WDPCP: variants seen among roughly 807,000 people sequenced by gnomAD.
The protein encoded by WDPCP is WD repeat-containing and planar cell polarity effector protein fritz homolog.
Under a neutral mutation model 93.1 loss-of-function variants are expected in WDPCP, and 71 were observed. That is an observed-to-expected ratio of 0.76 (90% confidence interval 0.63 to 0.93). The LOEUF is 0.93. Among genes scored for constraint, WDPCP ranks in the 40% least tolerant of loss-of-function variants. WDPCP has a pLI of 0.00. For synonymous variants in WDPCP, 315 were observed against 315.0 expected (o/e 1.00, Z 0.00); for missense variants, 844 against 887.4 (o/e 0.95, Z 0.62).
chr2:63,126,948 A>G (rs1381367654), intron 17 of WDPCP, among the ~76,000 whole-genome samples: 2 of 151,692 alleles, frequency 1.3e-5, no homozygotes, highest in African/African-American at 4.8e-5. Flanking sequence ...CTCCCAAATC[A>G]CTAGGATTAC....
intron 1 of WDPCP, among the ~76,000 whole-genome samples, chr2:63,825,916 T>C (rs889130714): frequency 3.3e-5 from 5 of 152,148 alleles, no homozygotes; most frequent in African/African-American, 1.2e-4. Context: ...ATGATTTCCT[T>C]ATCTACATCT....
At chr2:63,329,818 G>T (rs1026137244) in intron 12 of WDPCP, among the ~76,000 whole-genome samples, 6 of 151,770 alleles carry the variant, frequency 4.0e-5, no homozygotes, top group East Asian at 1.9e-4. Context: ...ACTTTTTTTT[G>T]ATTACACATG....
chr2:63,329,250 G>T (rs1019191753), intron 12 of WDPCP, among the ~76,000 whole-genome samples: 2 of 152,108 alleles, frequency 1.3e-5, no homozygotes, highest in African/African-American at 4.8e-5. Flanking sequence ...CTATGAGTCT[G>T]ACTTTAGATT....
At chr2:63,733,372 T>G (rs1669591042) in intron 2 of WDPCP, among the ~76,000 whole-genome samples, 1 of 149,698 alleles carries the variant, frequency 6.7e-6, no homozygotes, top group Non-Finnish European at 1.5e-5. Flanking sequence ...GCTAATTTTT[T>G]GTATTTTTTT....
chr2:63,434,735 G>A (rs1237756335), intron 8 of WDPCP, among the ~76,000 whole-genome samples: 1 of 152,056 alleles, frequency 6.6e-6, no homozygotes, highest in Non-Finnish European at 1.5e-5. Flanking sequence ...TAAGCCTACT[G>A]GACCAGACAC....
intron 12 of WDPCP, among the ~76,000 whole-genome samples, chr2:63,363,989 A>G (rs1262754023): frequency 6.6e-6 from 1 of 152,184 alleles, no homozygotes; most frequent in Non-Finnish European, 1.5e-5. Flanking sequence ...GACATGCACT[A>G]TGATCATGCC....
intron 10 of WDPCP, among the ~76,000 whole-genome samples, chr2:63,392,971 A>C (rs1459106734): frequency 6.6e-6 from 1 of 152,208 alleles, no homozygotes; most frequent in Non-Finnish European, 1.5e-5. Flanking sequence ...ATTGTGTAAG[A>C]CAGTGTGGCG....
intron 2 of WDPCP, among the ~76,000 whole-genome samples, chr2:63,763,302 G>C (rs183224822): frequency 5.9e-5 from 9 of 152,144 alleles, no homozygotes; most frequent in African/African-American, 1.9e-4. Flanking sequence ...CTAGGAGTTT[G>C]AGACCAGCCT....
intron 3 of WDPCP, chr2:63,606,925 C>A: frequency 6.2e-7 from 1 of 1,612,694 alleles, no homozygotes; most frequent in South Asian, 1.1e-5. Context: ...GAAGATGGAT[C>A]TTACTGCAAA....
At chr2:63,642,429 C>T (rs1709991646) in intron 3 of WDPCP, 1 of 148,200 alleles carries the variant, frequency 6.7e-6, no homozygotes, top group Non-Finnish European at 1.5e-5. Flanking sequence ...AATACTGATT[C>T]TTCCAATCCA....
intron 14 of WDPCP, among the ~76,000 whole-genome samples, chr2:63,215,440 CAA>C (rs1260024907): frequency 6.6e-6 from 1 of 152,100 alleles, no homozygotes; most frequent in Admixed American, 6.5e-5. Flanking sequence ...ACAAACCTGA[CAA>C]AAACAAGAAA....
At chr2:63,346,414 G>A (rs1689193022) in intron 12 of WDPCP, among the ~76,000 whole-genome samples, 1 of 152,164 alleles carries the variant, frequency 6.6e-6, no homozygotes, top group Non-Finnish European at 1.5e-5. Context: ...GGATAGTGGA[G>A]ATCTTGAGAA....
exon 1 of WDPCP, chr2:63,827,695 C>G (rs971180069): frequency 1.3e-5 from 2 of 152,210 alleles, no homozygotes; most frequent in African/African-American, 2.4e-5. Context: ...AATCAAAACT[C>G]TGTCTCTTCA....
At chr2:63,439,015 C>A (rs1021044934) in intron 7 of WDPCP, among the ~76,000 whole-genome samples, 3 of 152,112 alleles carry the variant, frequency 2.0e-5, no homozygotes, top group Non-Finnish European at 4.4e-5. Flanking sequence ...CAGTCACTTT[C>A]TAGCTATATG....
At chr2:63,688,250 C>A (rs945866192) in intron 2 of WDPCP, among the ~76,000 whole-genome samples, 2 of 151,936 alleles carry the variant, frequency 1.3e-5, no homozygotes, top group Non-Finnish European at 2.9e-5. Context: ...CACGGTGAAA[C>A]CCCGTCTTTA....
chr2:63,325,269 A>T (rs1169476292), intron 12 of WDPCP, among the ~76,000 whole-genome samples: 1 of 152,024 alleles, frequency 6.6e-6, no homozygotes, highest in African/African-American at 2.4e-5. Flanking sequence ...GTTTACAAGG[A>T]CACTTTAAAA....
At chr2:63,665,822 A>C (rs749187143) in intron 2 of WDPCP, among the ~76,000 whole-genome samples, 7 of 151,854 alleles carry the variant, frequency 4.6e-5, no homozygotes, top group Non-Finnish European at 1.0e-4. Flanking sequence ...TTCTCTATAG[A>C]AGTTTGATGT....
chr2:63,782,416 C>G (rs866211552), intron 2 of WDPCP, among the ~76,000 whole-genome samples: 1 of 152,108 alleles, frequency 6.6e-6, no homozygotes, highest in African/African-American at 2.4e-5. Context: ...AACTATGTAT[C>G]CAACAAGGTA....
intron 1 of WDPCP, chr2:63,571,689 G>A (rs1208379898): frequency 2.2e-6 from 1 of 460,872 alleles, no homozygotes; most frequent in Non-Finnish European, 4.5e-6. Flanking sequence ...CGTATTTTAA[G>A]ATGCCAGAAA....
Sources: allele counts gnomAD v4.1 joint callset (sites outside exome capture counted in the v4.1 genomes callset), GRCh38; gene constraint gnomAD v4.1.1; transcripts MANE v1.5; gene names NCBI Gene and HGNC (gene_info 2026-07-23, HGNC 2026-07-21).